LINGO2: variants seen among roughly 807,000 people sequenced by gnomAD.
LINGO2 encodes the protein leucine rich repeat and Ig domain containing 2, also known as leucine-rich repeat and immunoglobulin-like domain-containing nogo receptor-interacting protein 2.
Under a neutral mutation model 30.6 loss-of-function variants are expected in LINGO2, and 14 were observed. That is an observed-to-expected ratio of 0.46 (90% CI 0.30 to 0.72). The LOEUF (loss-of-function observed/expected upper bound fraction) is 0.72. Among genes scored for constraint, LINGO2 ranks in the 30% least tolerant of loss-of-function variants. LINGO2 has a pLI of 0.07. For synonymous variants in LINGO2, 317 were observed against 288.5 expected, an observed-to-expected ratio of 1.10 and a Z score of -1.00; for missense variants, 729 against 751.7, an observed-to-expected ratio of 0.97 and a Z score of 0.35.
At chr9:28,267,955 G>A (rs1478436585) in intron 4 of LINGO2, among the ~76,000 whole-genome samples, 1 of 151,908 alleles carries the variant, frequency 6.6e-6, no homozygotes, top group African/African-American at 2.4e-5. Flanking sequence ...ATTTTAATTG[G>A]TATCGATTCA....
At chr9:28,190,054 T>C (rs937221542) in intron 4 of LINGO2, among the ~76,000 whole-genome samples, 1 of 152,138 alleles carries the variant, frequency 6.6e-6, no homozygotes, top group Non-Finnish European at 1.5e-5. Context: ...AATTGTAGTG[T>C]TGTAAGTTCT....
the LINGO2 span, among the ~76,000 whole-genome samples, chr9:29,019,491 C>A: frequency 2.0e-5 from 3 of 152,154 alleles, no homozygotes; most frequent in Non-Finnish European, 4.4e-5. Context: ...AAGGGTTGCA[C>A]TAGCAGAACC....
chr9:28,992,803 T>A, the LINGO2 span, among the ~76,000 whole-genome samples: 2 of 152,068 alleles, frequency 1.3e-5, no homozygotes, highest in Non-Finnish European at 2.9e-5. Flanking sequence ...ATAAAGATGT[T>A]CTTTGAAACC....
At chr9:28,516,543 C>A (rs868282705) in intron 1 of LINGO2, among the ~76,000 whole-genome samples, 11 of 152,068 alleles carry the variant, frequency 7.2e-5, no homozygotes, top group African/African-American at 2.7e-4. Flanking sequence ...GTCAGGGGAC[C>A]TGGAAAAATT....
chr9:27,949,911 AG>A lies in LINGO2; in HGVS notation c.760del (p.Leu254PhefsTer22). On this transcript the variant is annotated frameshift_variant, in exon 6 of 6. Transcript: ENST00000379992. LOFTEE classifies it high-confidence loss of function. Reference sequence around the variant, plus strand: ...AGACAGATTGGTGTTGGTGACTGAAAGGGATGTGAGGTTGAGACCGTAGAGG... The same window carrying A: ...AGACAGATTGGTGTTGGTGACTGAAAGGATGTGAGGTTGAGACCGTAGAGG... The A allele has an allele frequency of 1.2e-6, 2 of 1,614,070 alleles. No homozygotes were observed. The highest frequency in any genetic ancestry group is 1.7e-6 in the Non-Finnish European group (2 of 1,179,994).
chr9:28,017,875 C>CA (rs1822918346), intron 4 of LINGO2, among the ~76,000 whole-genome samples: 2 of 152,074 alleles, frequency 1.3e-5, no homozygotes, highest in South Asian at 4.2e-4. Context: ...CATATGGAAA[C>CA]AAAAAACAGC....
intron 4 of LINGO2, among the ~76,000 whole-genome samples, chr9:28,156,389 C>G (rs1427045545): frequency 6.6e-6 from 1 of 152,134 alleles, no homozygotes; most frequent in East Asian, 1.9e-4. Context: ...CTACTATGCA[C>G]CAGGCAGTGT....
the LINGO2 span, among the ~76,000 whole-genome samples, chr9:29,170,545 T>C: frequency 1.3e-5 from 2 of 152,104 alleles, no homozygotes; most frequent in Non-Finnish European, 2.9e-5. Context: ...CACTATGCTA[T>C]ATATCTATAT....
Position 28,392,257 on chromosome 9 carries a change from G to T in LINGO2, c.-278-19389C>A, listed in dbSNP as rs1199138808. On this transcript the variant is annotated intron_variant, in intron 2 of 5. Transcript: ENST00000379992. ...ACTATTGCCATCTTTAGTCAGTGAA[G>T]ATATTTTGCCTATTAATTAGGATCT... Among the ~76,000 whole-genome samples, 4 of 152,256 alleles carry T rather than the reference G, an allele frequency of 2.6e-5. No homozygotes were observed. The East Asian group carries it at 7.7e-4, about 29-fold the overall frequency.
chr9:28,729,428 A>G, the LINGO2 span, among the ~76,000 whole-genome samples: 1 of 152,136 alleles, frequency 6.6e-6, no homozygotes, highest in Non-Finnish European at 1.5e-5. Context: ...GAGGAAAAAA[A>G]TCTCAGGGGA....
the LINGO2 span, among the ~76,000 whole-genome samples, chr9:28,754,967 C>T: frequency 6.6e-6 from 1 of 151,828 alleles, no homozygotes; most frequent in Non-Finnish European, 1.5e-5. Flanking sequence ...TGTTTCAGTA[C>T]AAACAGAATT....
At chr9:29,013,124 A>G in the LINGO2 span, among the ~76,000 whole-genome samples, 1 of 152,180 alleles carries the variant, frequency 6.6e-6, no homozygotes, top group Non-Finnish European at 1.5e-5. Context: ...ATTGACTGTA[A>G]TCGTTCTCTT....
the LINGO2 span, among the ~76,000 whole-genome samples, chr9:28,986,817 A>C: frequency 0.65 from 99,018 of 151,794 alleles, 32,860 homozygotes; most frequent in Non-Finnish European, 0.72. Flanking sequence ...CATGTAATTT[A>C]TAAAATAATA....
At chr9:28,069,459 A>G (rs191236627) in intron 4 of LINGO2, among the ~76,000 whole-genome samples, 4 of 152,258 alleles carry the variant, frequency 2.6e-5, no homozygotes, top group Admixed American at 2.6e-4. Flanking sequence ...CCTAAAGCCA[A>G]ACAGAACTAT....
the LINGO2 span, among the ~76,000 whole-genome samples, chr9:28,895,014 C>T: frequency 3.2e-3 from 485 of 152,122 alleles, 2 homozygotes; most frequent in African/African-American, 0.011. Flanking sequence ...CAATTTTATG[C>T]CTATATGTGC....
At chr9:29,027,710 C>T in the LINGO2 span, among the ~76,000 whole-genome samples, 27 of 152,174 alleles carry the variant, frequency 1.8e-4, no homozygotes, top group Non-Finnish European at 3.1e-4. Context: ...CCAAGGTTTC[C>T]GCAGTACCAC....
At chr9:28,874,797 T>C in the LINGO2 span, among the ~76,000 whole-genome samples, 1 of 152,170 alleles carries the variant, frequency 6.6e-6, no homozygotes. Flanking sequence ...ATCTAGCTTT[T>C]GGTAGTTAAA....
At chr9:29,209,175 C>G in the LINGO2 span, among the ~76,000 whole-genome samples, 2 of 152,068 alleles carry the variant, frequency 1.3e-5, no homozygotes, top group African/African-American at 4.8e-5. Flanking sequence ...AAAGCACAAA[C>G]GCACCATGTT....
chr9:28,260,958 A>G (rs1226630497), intron 4 of LINGO2, among the ~76,000 whole-genome samples: 4 of 151,928 alleles, frequency 2.6e-5, no homozygotes, highest in Non-Finnish European at 5.9e-5. Flanking sequence ...ACCATCAGAA[A>G]TCTTGGTCTG....
Sources: allele counts gnomAD v4.1 joint callset (sites outside exome capture counted in the v4.1 genomes callset), GRCh38; gene constraint gnomAD v4.1.1; transcripts MANE v1.5; gene names NCBI Gene and HGNC (gene_info 2026-07-23, HGNC 2026-07-21).